The following KCNIP4 variants were observed in gnomAD, a reference collection of about 807,000 sequenced individuals.
KCNIP4 encodes the protein potassium voltage-gated channel interacting protein 4, also known as Kv channel-interacting protein 4.
A neutral mutation model predicts 34.0 loss-of-function variants in KCNIP4; 12 were observed. The ratio of observed to expected loss-of-function variants is 0.35; its 90% CI spans 0.23 to 0.57. The LOEUF is 0.57. KCNIP4 is among the 20% of genes least tolerant of loss of function. The pLI is 0.83. For missense variants in KCNIP4, 238 were observed against 311.7 expected (o/e 0.76, Z 1.78); for synonymous variants, 124 against 102.2 (o/e 1.21, Z -1.29).
At chr4:21,691,724 G>T (rs1369756066) in intron 1 of KCNIP4, among the ~76,000 whole-genome samples, 2 of 111,644 alleles carry the variant, frequency 1.8e-5, no homozygotes, top group African/African-American at 3.4e-5. Flanking sequence ...TCTTGAGACA[G>T]AGTCTCACCC....
At chr4:21,178,744 A>G (rs1754621303) in intron 1 of KCNIP4, among the ~76,000 whole-genome samples, 1 of 151,622 alleles carries the variant, frequency 6.6e-6, no homozygotes, top group African/African-American at 2.4e-5. Context: ...TCTGAGGACC[A>G]TATCTCCTGT....
chr4:20,802,143 CTA>C lies in KCNIP4; in HGVS notation c.289-43255_289-43254del, dbSNP rs1345603858. On this transcript the variant is annotated intron_variant, in intron 3 of 8. Transcript: ENST00000382152. The stretch of plus-strand genomic sequence containing the variant: ...ATATGCTATATATATGCTATATATG[CTA>C]TATATATGCTATATATATGCTATAT... 8.0e-3 allele frequency among the ~76,000 whole-genome samples: 1,099 copies of C among 137,742 alleles called. 7 individuals are homozygous for C. The highest frequency in any genetic ancestry group is 0.024 in the South Asian group (103 of 4,306). 90.4% of individuals were successfully genotyped at this position (137,742 alleles called of 152,430 possible).
chr4:21,500,540 T>C (rs767694598), intron 1 of KCNIP4, among the ~76,000 whole-genome samples: 5 of 152,174 alleles, frequency 3.3e-5, no homozygotes, highest in Non-Finnish European at 7.4e-5. Flanking sequence ...TTTTTAGTTA[T>C]GAAAAAGTAC....
At chr4:21,127,306 C>A (rs1750702143) in intron 1 of KCNIP4, among the ~76,000 whole-genome samples, 2 of 152,140 alleles carry the variant, frequency 1.3e-5, no homozygotes, top group South Asian at 4.1e-4. Context: ...CTTCTCTCAC[C>A]ATACTTACTG....
At chr4:21,388,091 AGAAAGATTTCAGGTGTGCT>A (rs11268355) in intron 1 of KCNIP4, among the ~76,000 whole-genome samples, 4 of 148,758 alleles carry the variant, frequency 2.7e-5, no homozygotes, top group African/African-American at 7.5e-5. Flanking sequence ...TAGGCTCCTG[AGAAAGATTTCAGGTGTGCT>A]GAAAGATTTC....
At chr4:21,556,930 A>AAAAAAAAAAAAAAAAAAACAAAAAAAAAC (rs1553903108) in intron 1 of KCNIP4, among the ~76,000 whole-genome samples, 43 of 108,200 alleles carry the variant, frequency 4.0e-4, no homozygotes, top group Middle Eastern at 6.0e-3. Flanking sequence ...CAGAAAAAAA[A>AAAAAAAAAAAAAAAAAAACAAAAAAAAAC]AAAAAAAAAA....
intron 1 of KCNIP4, among the ~76,000 whole-genome samples, chr4:21,333,708 C>T (rs925802606): frequency 6.6e-6 from 1 of 151,664 alleles, no homozygotes; most frequent in African/African-American, 2.4e-5. Flanking sequence ...AAAAAAAAGT[C>T]CATGGCAATA....
At chr4:21,722,703 G>A (rs187201703) in intron 1 of KCNIP4, among the ~76,000 whole-genome samples, 94 of 152,146 alleles carry the variant, frequency 6.2e-4, no homozygotes, top group Non-Finnish European at 9.0e-4. Context: ...TAGAGGGAGC[G>A]GATGGGTATC....
intron 1 of KCNIP4, among the ~76,000 whole-genome samples, chr4:21,425,456 A>C (rs1162318418): frequency 6.6e-6 from 1 of 152,160 alleles, no homozygotes; most frequent in African/African-American, 2.4e-5. Flanking sequence ...TCTGAAGTGA[A>C]ATATGTGTTA....
intron 1 of KCNIP4, among the ~76,000 whole-genome samples, chr4:21,036,405 T>G (rs1244566389): frequency 6.6e-6 from 1 of 152,212 alleles, no homozygotes; most frequent in East Asian, 1.9e-4. Context: ...ATAAAGGCAT[T>G]TGGAGATAGA....
chr4:21,239,952 T>C (rs1288573561), intron 1 of KCNIP4, among the ~76,000 whole-genome samples: 1 of 151,956 alleles, frequency 6.6e-6, no homozygotes, highest in African/African-American at 2.4e-5. Context: ...CTATTCACAA[T>C]AGCAAAGACT....
chr4:20,955,935 A>G (rs1733258083), intron 1 of KCNIP4, among the ~76,000 whole-genome samples: 1 of 152,242 alleles, frequency 6.6e-6, no homozygotes, highest in Non-Finnish European at 1.5e-5. Flanking sequence ...TAAAGAAGGT[A>G]AATGGCAATT....
At chr4:20,937,891 C>A (rs889844958) in intron 1 of KCNIP4, among the ~76,000 whole-genome samples, 3 of 151,770 alleles carry the variant, frequency 2.0e-5, no homozygotes, top group Non-Finnish European at 4.4e-5. Context: ...AACTTTCTTT[C>A]TTCAATTCTC....
intron 1 of KCNIP4, among the ~76,000 whole-genome samples, chr4:21,293,068 A>G (rs1375962908): frequency 1.3e-5 from 2 of 152,218 alleles, no homozygotes; most frequent in African/African-American, 4.8e-5. Context: ...TAGGACATGG[A>G]TAGATAACCA....
At chr4:21,213,220 A>T (rs1233897141) in intron 1 of KCNIP4, among the ~76,000 whole-genome samples, 1 of 152,114 alleles carries the variant, frequency 6.6e-6, no homozygotes, top group Non-Finnish European at 1.5e-5. Context: ...GTGAAATTCC[A>T]TCGAATCCAA....
intron 1 of KCNIP4, among the ~76,000 whole-genome samples, chr4:21,217,115 T>C (rs1193296727): frequency 1.3e-5 from 2 of 152,138 alleles, no homozygotes; most frequent in Non-Finnish European, 1.5e-5. Flanking sequence ...ATTCAATATA[T>C]GAGGAAACTG....
chr4:21,174,631 G>T (rs1754261118), intron 1 of KCNIP4, among the ~76,000 whole-genome samples: 1 of 152,048 alleles, frequency 6.6e-6, no homozygotes. Context: ...TGGGCGCAGT[G>T]GCTCATGCCT....
intron 1 of KCNIP4, among the ~76,000 whole-genome samples, chr4:21,860,735 C>A (rs1185911336): frequency 1.3e-5 from 2 of 151,948 alleles, no homozygotes; most frequent in African/African-American, 4.8e-5. Flanking sequence ...AACATGGATG[C>A]TTGTATACAC....
chr4:21,933,369 G>C (rs1729681602), intron 1 of KCNIP4, among the ~76,000 whole-genome samples: 1 of 151,982 alleles, frequency 6.6e-6, no homozygotes, highest in Admixed American at 6.6e-5. Flanking sequence ...GTGGAATGGG[G>C]GGATGGGAAG....
Sources: gnomAD v4.1 joint callset for allele counts (sites outside exome capture counted in the v4.1 genomes callset) on GRCh38, gnomAD v4.1.1 for gene constraint, MANE v1.5 for transcripts, NCBI Gene and HGNC (gene_info 2026-07-23, HGNC 2026-07-21) for gene names.